The following ATF2 variants were observed in gnomAD, a reference collection of about 807,000 sequenced individuals.
The protein encoded by ATF2 is cyclic AMP-dependent transcription factor ATF-2.
Under a neutral mutation model 60.6 loss-of-function variants are expected in ATF2, and 24 were observed. That is an observed-to-expected ratio of 0.40 (90% CI 0.29 to 0.56). ATF2 has a LOEUF of 0.56. Among genes scored for constraint, ATF2 ranks in the 20% least tolerant of loss-of-function variants. The pLI is 0.54. For synonymous variants in ATF2, 206 were observed against 215.4 expected (o/e 0.96, Z 0.38); for missense variants, 433 against 607.7 (o/e 0.71, Z 3.02).
At position 175,073,660 on chromosome 2, in the gene ATF2, G is replaced by A. The variant is rs1693087535; in HGVS notation, c.*949C>T. On this transcript the variant is annotated 3_prime_UTR_variant, in exon 14 of 14. Transcript: ENST00000264110. ...TAGCTCGCAAGTACAAGACAATGGG[G>A]GTAAACAGTCTTAAATTTTCTAAGT... The A allele has an allele frequency of 6.6e-6, 1 of 151,816 alleles. No individual in the cohort carries two copies. The highest frequency in any genetic ancestry group is 1.5e-5 in the Non-Finnish European group (1 of 67,972). 9.4% of individuals were successfully genotyped at this position (151,816 alleles called of 1,614,324 possible).
chr2:175,135,124 T>C (rs191067993), intron 3 of ATF2, among the ~76,000 whole-genome samples: 1 of 147,092 alleles, frequency 6.8e-6, no homozygotes, highest in Non-Finnish European at 1.5e-5. Context: ...GAGGAACAAG[T>C]GGAAGAGGAA....
intron 9 of ATF2, 139 bp from the exon 10 acceptor site, chr2:175,111,793 C>T (rs1165705737): frequency 2.9e-6 from 2 of 694,312 alleles, no homozygotes; most frequent in South Asian, 2.3e-5. Flanking sequence ...ATCTCTATAC[C>T]AAATCCTTAT....
intron 12 of ATF2, among the ~76,000 whole-genome samples, chr2:175,092,791 A>T (rs113736757): frequency 6.6e-6 from 1 of 152,208 alleles, no homozygotes; most frequent in Non-Finnish European, 1.5e-5. Context: ...TTATATCACA[A>T]CTTTATAAAG....
intron 2 of ATF2, 67 bp from the exon 3 acceptor site, chr2:175,136,553 T>TA (rs1311932673): frequency 1.9e-6 from 2 of 1,056,580 alleles, no homozygotes; most frequent in Non-Finnish European, 2.8e-6. Context: ...CAGTAGAAAA[T>TA]AAAGTGCTCA....
chr2:175,149,616 G>C (rs1699178057), intron 2 of ATF2, among the ~76,000 whole-genome samples: 1 of 152,066 alleles, frequency 6.6e-6, no homozygotes. Flanking sequence ...GGAGAATAAT[G>C]GTCTGAACTA....
chr2:175,077,905 T>C (rs1182008270), intron 13 of ATF2, among the ~76,000 whole-genome samples: 2 of 152,198 alleles, frequency 1.3e-5, no homozygotes, highest in Admixed American at 1.3e-4. Flanking sequence ...CAGCTCTACC[T>C]AAGCTAAAAG....
At chr2:175,083,864 C>CCT (rs1436408834) in intron 12 of ATF2, among the ~76,000 whole-genome samples, 1 of 152,140 alleles carries the variant, frequency 6.6e-6, no homozygotes, top group East Asian at 1.9e-4. Context: ...CAAAAGAAGA[C>CCT]ATTTATGCAG....
chr2:175,092,571 G>C, intron 12 of ATF2: 1 of 451,526 alleles, frequency 2.2e-6, no homozygotes, highest in South Asian at 1.7e-5. Context: ...GAGTCCTTCA[G>C]TTTCCAAAGC....
chr2:175,142,685 AAGAG>A (rs371270320), intron 2 of ATF2, among the ~76,000 whole-genome samples: 2,587 of 126,258 alleles, frequency 0.02, 40 homozygotes, highest in African/African-American at 0.055. Flanking sequence ...ACGCTGCCGA[AAGAG>A]AGAGAGAGAG....
intron 2 of ATF2, among the ~76,000 whole-genome samples, chr2:175,140,533 G>A (rs905915333): frequency 6.6e-6 from 1 of 152,066 alleles, no homozygotes; most frequent in Non-Finnish European, 1.5e-5. Flanking sequence ...AAACTTTTGA[G>A]GGTGACAAAT....
intron 4 of ATF2, among the ~76,000 whole-genome samples, chr2:175,128,659 C>A (rs1357791272): frequency 6.6e-6 from 1 of 151,998 alleles, no homozygotes; most frequent in East Asian, 1.9e-4. Flanking sequence ...TGACAAGTCA[C>A]AGAAAGCAAC....
intron 10 of ATF2, among the ~76,000 whole-genome samples, chr2:175,109,093 T>C (rs1350681550): frequency 8.7e-5 from 13 of 148,624 alleles, no homozygotes; most frequent in Non-Finnish European, 1.6e-4. Flanking sequence ...CTTGTTTATG[T>C]GCTGACCTTC....
intron 10 of ATF2, among the ~76,000 whole-genome samples, chr2:175,104,162 A>G (rs190719906): frequency 6.6e-6 from 1 of 152,272 alleles, no homozygotes; most frequent in African/African-American, 2.4e-5. Flanking sequence ...AAATCAGAGA[A>G]TTACAAAAAC....
At chr2:175,102,670 G>T (rs1695387578) in intron 10 of ATF2, among the ~76,000 whole-genome samples, 1 of 151,990 alleles carries the variant, frequency 6.6e-6, no homozygotes, top group South Asian at 2.1e-4. Flanking sequence ...TCAGGAGGCT[G>T]AGGCAGGAGG....
At chr2:175,122,904 T>C (rs1170609490) in intron 4 of ATF2, among the ~76,000 whole-genome samples, 1 of 152,098 alleles carries the variant, frequency 6.6e-6, no homozygotes, top group Non-Finnish European at 1.5e-5. Flanking sequence ...TCAACTTCAA[T>C]TTAATCTTGC....
rs530518191 is a variant in ATF2, at chr2:175,163,480, T to G, written c.-143+4570A>C. Among the ~76,000 whole-genome samples the G allele has an allele frequency of 1.3e-3, 192 of 152,298 alleles. 1 individual carries two copies. The highest frequency in any genetic ancestry group is 4.4e-3 in the African/African-American group (181 of 41,564). ...AAGCCACTACTACTGTTGGAAGTATTTTGTATTCCTTGGGTAGAAAGGCAA... is the reference window on the plus strand; with the variant it reads ...AAGCCACTACTACTGTTGGAAGTATGTTGTATTCCTTGGGTAGAAAGGCAA... On this transcript the variant is annotated intron_variant, in intron 1 of 13. Coordinates refer to ENST00000264110, the MANE Select transcript of ATF2 (RefSeq NM_001880.4).
At chr2:175,143,795 C>A (rs557056316) in intron 2 of ATF2, among the ~76,000 whole-genome samples, 1 of 151,888 alleles carries the variant, frequency 6.6e-6, no homozygotes, top group East Asian at 1.9e-4. Flanking sequence ...CTCTGCCCAG[C>A]CCCCGCCTTT....
intron 13 of ATF2, among the ~76,000 whole-genome samples, chr2:175,077,450 T>C (rs570424233): frequency 6.6e-5 from 10 of 152,092 alleles, no homozygotes; most frequent in African/African-American, 2.2e-4. Context: ...CACATCCTCT[T>C]CAGCACCTGT....
At chr2:175,162,127 C>A (rs1208948562) in intron 1 of ATF2, among the ~76,000 whole-genome samples, 2 of 152,146 alleles carry the variant, frequency 1.3e-5, no homozygotes, top group African/African-American at 4.8e-5. Context: ...TGCATGAAAT[C>A]TAAGAATTAT....
Sources: allele counts gnomAD v4.1 joint callset (sites outside exome capture counted in the v4.1 genomes callset), GRCh38; gene constraint gnomAD v4.1.1; transcripts MANE v1.5; gene names NCBI Gene and HGNC (gene_info 2026-07-23, HGNC 2026-07-21).